FGF1: variants seen among roughly 807,000 people sequenced by gnomAD.
FGF1 encodes fibroblast growth factor 1, also known as beta-endothelial cell growth factor.
Under a neutral mutation model 13.4 loss-of-function variants are expected in FGF1, and 9 were observed. The observed-to-expected ratio is 0.67, with a 90% confidence interval of 0.40 to 1.17. The LOEUF (loss-of-function observed/expected upper bound fraction) is 1.17. Ranked by LOEUF, FGF1 falls within the 50% of genes most tolerant of loss-of-function variation. FGF1 has a pLI of 0.01. For synonymous variants in FGF1, 93 were observed against 79.0 expected, an observed-to-expected ratio of 1.18 and a Z score of -0.94; for missense variants, 156 against 192.7, an observed-to-expected ratio of 0.81 and a Z score of 1.13.
At position 142,678,533 on chromosome 5, in the gene FGF1, C is replaced by T. The variant is rs1184871634; in HGVS notation, c.-35+7424G>A. On this transcript the variant is annotated intron_variant, in intron 1 of 3. Coordinates refer to ENST00000337706, the MANE Select transcript of FGF1 (RefSeq NM_000800.5). ...AAAAAGGCAAATTGGGCTTCGGGTA[C>T]TCTGCACTCCTCCTTTCAGCGCCCT... 2.6e-5 allele frequency among the ~76,000 whole-genome samples: 4 copies of T among 152,176 alleles called. No homozygotes were observed. The East Asian group carries it at 5.8e-4, about 22-fold the overall frequency.
chr5:142,675,704 T>C (rs767295772), intron 1 of FGF1, among the ~76,000 whole-genome samples: 6 of 152,134 alleles, frequency 3.9e-5, no homozygotes, highest in African/African-American at 7.2e-5. Context: ...CCACCCAAGG[T>C]CACCCAACAA....
chr5:142,669,883 G>A (rs940601090), intron 1 of FGF1, among the ~76,000 whole-genome samples: 9 of 152,108 alleles, frequency 5.9e-5, no homozygotes, highest in African/African-American at 2.2e-4. Flanking sequence ...CAGTGCAGCC[G>A]GTTACCACAG....
At chr5:142,605,273 GT>G (rs768402598) in intron 2 of FGF1, among the ~76,000 whole-genome samples, 5,928 of 123,240 alleles carry the variant, frequency 0.048, 221 homozygotes, top group African/African-American at 0.14. Flanking sequence ...TGCCTGGCTA[GT>G]TTTTTTTTTT....
intron 1 of FGF1, among the ~76,000 whole-genome samples, chr5:142,660,018 G>A (rs17223310): frequency 0.041 from 6,290 of 152,292 alleles, 444 homozygotes; most frequent in African/African-American, 0.14. Flanking sequence ...TGCGTCAGGC[G>A]ATTTCACTGC....
At chr5:142,662,770 G>C (rs1769500519) in intron 1 of FGF1, among the ~76,000 whole-genome samples, 1 of 152,118 alleles carries the variant, frequency 6.6e-6, no homozygotes, top group Non-Finnish European at 1.5e-5. Context: ...TTCATACTTT[G>C]ATTAAATACT....
At chr5:142,603,053 T>C (rs1485360774) in intron 2 of FGF1, among the ~76,000 whole-genome samples, 1 of 152,126 alleles carries the variant, frequency 6.6e-6, no homozygotes, top group Non-Finnish European at 1.5e-5. Context: ...AAGCCACTGA[T>C]GCACTTTCTC....
chr5:142,593,427 A>G lies in FGF1; in HGVS notation c.*1863T>C, dbSNP rs1369750249. 1.3e-5 allele frequency: 2 copies of G among 152,220 alleles called. No homozygotes were observed. The highest frequency in any genetic ancestry group is 3.8e-4 in the East Asian group (2 of 5,206). 9.4% of individuals were successfully genotyped at this position (152,220 alleles called of 1,614,324 possible). A position where few individuals can be genotyped will look rare whatever the true frequency, so the allele number is the denominator to read the frequency against. ...CCATAATGTCAGCTTACTTAGGTCA[A>G]TTCTTCAATTGCACTATTGCTTTGA... On this transcript the variant is annotated 3_prime_UTR_variant, in exon 4 of 4. Coordinates refer to ENST00000337706, the MANE Select transcript of FGF1 (RefSeq NM_000800.5).
intron 1 of FGF1, among the ~76,000 whole-genome samples, chr5:142,617,730 C>G (rs1417184224): frequency 6.6e-6 from 1 of 152,162 alleles, no homozygotes. Context: ...GATGACTCAG[C>G]TGAAACATAT....
chr5:142,653,863 G>T (rs1048823264), intron 1 of FGF1, among the ~76,000 whole-genome samples: 5 of 152,334 alleles, frequency 3.3e-5, no homozygotes, highest in Middle Eastern at 3.4e-3. Flanking sequence ...GGAGGCTGAG[G>T]TGGGTGGATC....
chr5:142,674,552 G>C (rs941166177), intron 1 of FGF1, among the ~76,000 whole-genome samples: 1 of 152,174 alleles, frequency 6.6e-6, no homozygotes, highest in Non-Finnish European at 1.5e-5. Context: ...TAAAGAGGCT[G>C]GGGGAGAGAT....
At chr5:142,680,186 T>G (rs2152048412) in intron 1 of FGF1, 1 of 152,312 alleles carries the variant, frequency 6.6e-6, no homozygotes, top group East Asian at 1.9e-4. Flanking sequence ...CAATAGGGGA[T>G]AGGGGGTGAA....
At chr5:142,622,054 G>A (rs1561583767) in intron 1 of FGF1, among the ~76,000 whole-genome samples, 1 of 152,134 alleles carries the variant, frequency 6.6e-6, no homozygotes, top group Non-Finnish European at 1.5e-5. Flanking sequence ...ATTATTTAAT[G>A]TCTCTTTTCA....
At chr5:142,678,735 T>G (rs1296791969) in intron 1 of FGF1, among the ~76,000 whole-genome samples, 1 of 152,216 alleles carries the variant, frequency 6.6e-6, no homozygotes, top group Non-Finnish European at 1.5e-5. Flanking sequence ...GCTAGATTTA[T>G]AAGACCTTTC....
chr5:142,618,361 G>A (rs1442060656), intron 1 of FGF1, among the ~76,000 whole-genome samples: 2 of 152,114 alleles, frequency 1.3e-5, no homozygotes, highest in Non-Finnish European at 2.9e-5. Context: ...CTGGGAACCC[G>A]GGCGAGTCAT....
At chr5:142,667,213 G>C (rs1770560513) in intron 1 of FGF1, among the ~76,000 whole-genome samples, 4 of 152,096 alleles carry the variant, frequency 2.6e-5, no homozygotes, top group Admixed American at 6.5e-5. Context: ...GAACCTGGGA[G>C]ACAGAGGTTG....
At position 142,654,466 on chromosome 5, in the gene FGF1, T is replaced by C. The variant is rs562959801; in HGVS notation, c.-35+31491A>G. On this transcript the variant is annotated intron_variant, in intron 1 of 3. Transcript: ENST00000337706. ...TGAACTTTGGATAGTAGAAAGATTCTTACTTTTCCCAAAGAAATATCAAGC... is the reference window on the plus strand; with the variant it reads ...TGAACTTTGGATAGTAGAAAGATTCCTACTTTTCCCAAAGAAATATCAAGC... Among the ~76,000 whole-genome samples the C allele has an allele frequency of 2.6e-5, 4 of 152,362 alleles. No homozygotes were observed. The East Asian group carries it at 7.7e-4, about 29-fold the overall frequency.
intron 2 of FGF1, among the ~76,000 whole-genome samples, chr5:142,695,700 C>T (rs186963488): frequency 3.9e-5 from 6 of 152,082 alleles, no homozygotes; most frequent in Admixed American, 3.3e-4. Context: ...TAACTGGATG[C>T]ACTTAATCAA....
At chr5:142,600,859 A>G in intron 2 of FGF1, 54 bp from the exon 3 acceptor site, 1 of 1,320,568 alleles carries the variant, frequency 7.6e-7, no homozygotes, top group Non-Finnish European at 1.1e-6. Context: ...TTTTGCCGAT[A>G]GGACCCGGCA....
At chr5:142,627,585 T>C (rs898643811) in intron 1 of FGF1, among the ~76,000 whole-genome samples, 2 of 152,220 alleles carry the variant, frequency 1.3e-5, no homozygotes, top group Non-Finnish European at 2.9e-5. Context: ...TCATTTCATA[T>C]GTCAGACTCC....
Sources: allele counts gnomAD v4.1 joint callset (sites outside exome capture counted in the v4.1 genomes callset), GRCh38; gene constraint gnomAD v4.1.1; transcripts MANE v1.5; gene names NCBI Gene and HGNC (gene_info 2026-07-23, HGNC 2026-07-21).